Variants in TLCD5 observed in about 807,000 individuals in gnomAD.
The protein encoded by TLCD5 is TLC domain-containing protein 5.
In TLCD5, 15 loss-of-function variants were observed where a neutral mutation model predicts 20.5. That is an observed-to-expected ratio of 0.73 (90% CI 0.49 to 1.13). The LOEUF is 1.13. Among genes scored for constraint, TLCD5 ranks in the 50% most tolerant of loss-of-function variants. The pLI is 0.00. For missense variants in TLCD5, 289 were observed against 305.6 expected (o/e 0.95, Z 0.41); for synonymous variants, 107 against 114.7 (o/e 0.93, Z 0.43).
chr11:120,333,090 A>T lies in TLCD5; in HGVS notation c.*2575A>T, dbSNP rs1046022278. The T allele has an allele frequency of 2.6e-5, 4 of 151,574 alleles. No individual in the cohort carries two copies. Among genetic ancestry groups the T allele is most frequent in the African/African-American group, 9.7e-5 (4 of 41,194 alleles). The allele number at this position is 151,574 out of a possible 1,614,324, so 9.4% of individuals were successfully genotyped here. Reference sequence around the variant, plus strand: ...TGATGAGCGCCCCTAAAATGCTGGTAAGCTTCTTTCCAACAAAATTGCGGT... The same window carrying T: ...TGATGAGCGCCCCTAAAATGCTGGTTAGCTTCTTTCCAACAAAATTGCGGT... On this transcript the variant is annotated 3_prime_UTR_variant, in exon 3 of 3. Transcript: ENST00000375095. This position sits in a 1 kb window ranked among gnomAD's most constrained non-coding sequence, Gnocchi z 4.5.
At chr11:120,326,486 G>A (rs932635511) in intron 1 of TLCD5, among the ~76,000 whole-genome samples, 2 of 152,214 alleles carry the variant, frequency 1.3e-5, no homozygotes, top group African/African-American at 2.4e-5. Context: ...GCATAGCCAT[G>A]CAGAAAATGT....
At chr11:120,327,832 T>C (rs575784914) in intron 2 of TLCD5, among the ~76,000 whole-genome samples, 192 bp downstream of exon 2, 1 of 152,340 alleles carries the variant, frequency 6.6e-6, no homozygotes, top group African/African-American at 2.4e-5. Context: ...CATAACTCTC[T>C]ACTTTTAAAA....
chr11:120,329,359 C>T (rs544879652), intron 2 of TLCD5, among the ~76,000 whole-genome samples: 2 of 152,222 alleles, frequency 1.3e-5, no homozygotes, highest in African/African-American at 2.4e-5. Flanking sequence ...TTCTGAGTTT[C>T]CCCCCAAACT....
At position 120,330,510 on chromosome 11, in the gene TLCD5, C is replaced by T. The variant is rs199611621; in HGVS notation, c.733C>T (p.His245Tyr). 3 of 1,609,730 alleles carry T rather than the reference C, an allele frequency of 1.9e-6. No homozygotes were observed. The highest frequency in any genetic ancestry group is 4.5e-5 in the East Asian group (2 of 44,842). The change falls in exon 3 of 3, where the codon CAC (histidine) becomes TAC (tyrosine). Residue 245 changes from histidine to tyrosine, a missense_variant. Physicochemically the swap from His to Tyr is moderately conservative, Grantham distance 83 (BLOSUM62 2). Coordinates refer to ENST00000375095, the MANE Select transcript of TLCD5 (RefSeq NM_001198671.2). ...GAAACACAACGGACATCTCAAAATA[C>T]ACTAGCCAAGGCTTGCTCCAGATTA... ...QLKHNGHLKI[H>Y]
At chr11:120,327,058 GT>G in intron 1 of TLCD5, 1 of 297,524 alleles carries the variant, frequency 3.4e-6, no homozygotes, top group Non-Finnish European at 6.3e-6. Flanking sequence ...TTTCATTGGG[GT>G]TTTTGAACTG....
intron 2 of TLCD5, among the ~76,000 whole-genome samples, chr11:120,328,869 A>T (rs4606487): frequency 0.9 from 49,088 of 54,684 alleles, 22,101 homozygotes; most frequent in Admixed American, 0.92. Context: ...GTGTGTATGT[A>T]TATGTATGCA....
In TLCD5 at chr11:120,333,318, T is replaced by C. The variant is rs923084131; in HGVS notation, c.*2803T>C. The stretch of plus-strand genomic sequence containing the variant: ...TCCTCAGAAGTGAAGGGACTGCAGA[T>C]CTTGTTGTTTTGGGGACACTTTCAT... On this transcript the variant is annotated 3_prime_UTR_variant, in exon 3 of 3. Transcript: ENST00000375095. This position sits in a 1 kb window ranked among gnomAD's most constrained non-coding sequence, Gnocchi z 4.5. 3 of 152,318 alleles carry C rather than the reference T, an allele frequency of 2.0e-5. No individual in the cohort carries two copies. The East Asian group carries it at 5.8e-4, about 29-fold the overall frequency. 9.4% of individuals were successfully genotyped at this position (152,318 alleles called of 1,614,324 possible).
In TLCD5 at chr11:120,330,300, G is replaced by T. The variant is rs1427627298; in HGVS notation, c.523G>T (p.Val175Leu). Reference protein sequence around the residue: ...VALFTGVRIGVGACLLFCEMV... With the variant: ...VALFTGVRIGLGACLLFCEMV... ...TCTGTTCACAGGAGTGAGGATTGGT[G>T]TGGGAGCTTGCCTCCTTTTCTGTGA... The change falls in exon 3 of 3, where the codon GTG becomes TTG. Residue 175 changes from valine (V) to leucine (L), a missense_variant. Val to Leu is a conservative substitution (Grantham distance 32, BLOSUM62 1). Transcript: ENST00000375095. The T allele has an allele frequency of 1.3e-6, 2 of 1,569,300 alleles. No homozygotes were observed. The highest frequency in any genetic ancestry group is 1.7e-6 in the Non-Finnish European group (2 of 1,156,344).
chr11:120,326,049 T>TTC (rs1941991146), intron 1 of TLCD5, among the ~76,000 whole-genome samples: 1 of 152,194 alleles, frequency 6.6e-6, no homozygotes, highest in South Asian at 2.1e-4. Context: ...TACTTTGTAT[T>TTC]TCTGGCCCTT....
rs1362588794 is a variant in TLCD5 at position 120,329,985 on chromosome 11, A to C, written c.208A>C (p.Asn70His). The C allele has an allele frequency of 6.2e-7, 1 of 1,613,032 alleles. No individual in the cohort carries two copies. Among genetic ancestry groups the C allele is most frequent in the East Asian group, 2.2e-5 (1 of 44,864 alleles). Residue 70 changes from asparagine to histidine, a missense_variant, in exon 3 of 3, where the codon AAT (asparagine) becomes CAT (histidine). Coordinates refer to ENST00000375095, the MANE Select transcript of TLCD5 (RefSeq NM_001198671.2). ...PWPFTHPGSP[N>H]TPLQVHVLCL... ...GTCTTGGTTTGTTTCAGGCTCACCC[A>C]ATACACCTCTCCAAGTTCATGTCCT...
In TLCD5 at chr11:120,332,154, CT is replaced by C. The variant is rs1178426562; in HGVS notation, c.*1643del. The C allele has an allele frequency of 1.3e-5, 2 of 152,116 alleles. No homozygotes were observed. The highest frequency in any genetic ancestry group is 4.8e-5 in the African/African-American group (2 of 41,408). The allele number at this position is 152,116 out of a possible 1,614,324, so 9.4% of individuals were successfully genotyped here. On this transcript the variant is annotated 3_prime_UTR_variant, in exon 3 of 3. Coordinates refer to ENST00000375095, the MANE Select transcript of TLCD5 (RefSeq NM_001198671.2). This position sits in a 1 kb window ranked among gnomAD's most constrained non-coding sequence, Gnocchi z 4.2. ...GTTAAGAATCCAGAATTCCTGGGTT[CT>C]TTTAACTAATTTTGCTACTCACTTG... is the stretch of plus-strand genomic sequence containing the variant.
intron 1 of TLCD5, among the ~76,000 whole-genome samples, chr11:120,326,707 T>C (rs1175209279): frequency 6.6e-6 from 1 of 152,232 alleles, no homozygotes; most frequent in Non-Finnish European, 1.5e-5. Context: ...TTCATTTCAT[T>C]TTTAACTGAA....
rs543156640 is a variant in TLCD5 at position 120,330,015 on chromosome 11, C to G, written c.238C>G (p.Leu80Val). 6.2e-7 allele frequency: 1 copy of G among 1,614,138 alleles called. No homozygotes were observed. Among genetic ancestry groups the G allele is most frequent in the Non-Finnish European group, 8.5e-7 (1 of 1,180,004 alleles). The change falls in exon 3 of 3, where the codon CTC becomes GTC. Residue 80 changes from leucine to valine, a missense_variant. By Grantham distance (32) the Leu-to-Val change is conservative. Coordinates refer to ENST00000375095, the MANE Select transcript of TLCD5 (RefSeq NM_001198671.2). The stretch of plus-strand genomic sequence containing the variant: ...ACCTCTCCAAGTTCATGTCCTGTGT[C>G]TCACCTTGGGCTACTTCATCTTCGA... Reference protein sequence around the residue: ...NTPLQVHVLCLTLGYFIFDLG... With the variant: ...NTPLQVHVLCVTLGYFIFDLG...
At position 120,327,484 on chromosome 11, in the gene TLCD5, G is replaced by A. The variant is rs768909818; in HGVS notation, c.43G>A (p.Gly15Ser). The A allele has an allele frequency of 1.2e-6, 2 of 1,614,196 alleles. No individual in the cohort carries two copies. Among genetic ancestry groups the A allele is most frequent in the African/African-American group, 1.3e-5 (1 of 75,060 alleles). Residue 15 changes from glycine (G) to serine (S), a missense_variant, in exon 2 of 3, where the codon GGC (glycine) becomes AGC (serine). Coordinates refer to ENST00000375095, the MANE Select transcript of TLCD5 (RefSeq NM_001198671.2). ...TCTGCAGGTGCTGTGCAGCCTGTGTGGCTGGCTCTCGCTCTATATTTCTTT... is the reference window on the plus strand; with the variant it reads ...TCTGCAGGTGCTGTGCAGCCTGTGTAGCTGGCTCTCGCTCTATATTTCTTT... ...LCLQVLCSLC[G>S]WLSLYISFCH... is the part of the protein sequence containing the mutation.
chr11:120,327,244 A>G (rs1210512588), intron 1 of TLCD5, 197 bp from the exon 2 acceptor site: 1 of 945,430 alleles, frequency 1.1e-6, no homozygotes, highest in Non-Finnish European at 1.6e-6. Flanking sequence ...CTAACATGTT[A>G]TCTCTGAGGA....
At position 120,331,461 on chromosome 11, in the gene TLCD5, ACT is replaced by A. The variant is rs1363008607; in HGVS notation, c.*950_*951del. The A allele has an allele frequency of 2.6e-5, 4 of 152,162 alleles. No homozygotes were observed. Among genetic ancestry groups the A allele is most frequent in the African/African-American group, 7.2e-5 (3 of 41,424 alleles). The allele number at this position is 152,162 out of a possible 1,614,324, so 9.4% of individuals were successfully genotyped here. Reference sequence around the variant, plus strand: ...TCCCTGGCAGATAGCAAAATTCAAGACTCTCAAAAGGAAAGCAGGTGTTCAGC... The same window carrying A: ...TCCCTGGCAGATAGCAAAATTCAAGACTCAAAAGGAAAGCAGGTGTTCAGC... On this transcript the variant is annotated 3_prime_UTR_variant, in exon 3 of 3. Transcript: ENST00000375095. This position sits in a 1 kb window ranked among gnomAD's most constrained non-coding sequence, Gnocchi z 4.5.
intron 2 of TLCD5, among the ~76,000 whole-genome samples, chr11:120,329,065 A>G (rs1314801526): frequency 7.4e-6 from 1 of 134,772 alleles, no homozygotes; most frequent in Non-Finnish European, 1.6e-5. Flanking sequence ...ATCCCTTCTA[A>G]GGATAACAGT....
At chr11:120,328,773 T>TGTGTGTGCGTGTATGTTTGTATGCGC (rs1388398001) in intron 2 of TLCD5, among the ~76,000 whole-genome samples, 1 of 65,530 alleles carries the variant, frequency 1.5e-5, no homozygotes, top group Admixed American at 1.3e-4. Context: ...TGTGTGTGTG[T>TGTGTGTGCGTGTATGTTTGTATGCGC]GTGTGCGCGT....
intron 2 of TLCD5, among the ~76,000 whole-genome samples, chr11:120,328,713 T>TGTG (rs1942061936): frequency 7.9e-5 from 6 of 75,608 alleles, no homozygotes; most frequent in Admixed American, 2.8e-4. Context: ...GTGTGTATGT[T>TGTG]TATGTATGCA....
Sources: gnomAD v4.1 joint callset for allele counts (sites outside exome capture counted in the v4.1 genomes callset) on GRCh38, gnomAD v4.1.1 for gene constraint, Gnocchi (gnomAD v3.1) non-coding constraint, MANE v1.5 for transcripts, NCBI Gene and HGNC (gene_info 2026-07-23, HGNC 2026-07-21) for gene names.